AKAP5: variants seen among roughly 807,000 people sequenced by gnomAD.
AKAP5 encodes the protein A-kinase anchoring protein 5, also known as A-kinase anchor protein 5.
AKAP5 carries 5 observed loss-of-function variants against 13.8 expected under a neutral mutation model. The observed-to-expected ratio is 0.36, with a 90% CI of 0.19 to 0.76. The LOEUF is 0.76. Among genes scored for constraint, AKAP5 ranks in the 30% least tolerant of loss-of-function variants. AKAP5 has a pLI of 0.51. For missense variants in AKAP5, 406 were observed against 484.4 expected (o/e 0.84, Z 1.52); for synonymous variants, 148 against 167.2 (o/e 0.89, Z 0.89).
At chr14:64,466,802 T>C (rs996460537) in intron 1 of AKAP5, among the ~76,000 whole-genome samples, 3 of 152,254 alleles carry the variant, frequency 2.0e-5, no homozygotes, top group Non-Finnish European at 4.4e-5. Context: ...TTGCTTATTT[T>C]AGGGCATCCA....
Position 64,470,752 on chromosome 14 carries a change from G to A in AKAP5, c.*1074G>A, listed in dbSNP as rs2078661990. 1 of 166,848 alleles carries A rather than the reference G, an allele frequency of 6.0e-6. No individual in the cohort carries two copies. The highest frequency in any genetic ancestry group is 2.1e-4 in the South Asian group (1 of 4,824). The allele number at this position is 166,848 out of a possible 1,614,324, so 10.3% of individuals were successfully genotyped here. A position where few individuals can be genotyped will look rare whatever the true frequency, so the allele number is the denominator to read the frequency against. ...TCCATTTCTGCATGGATTTATCTGT[G>A]AAAAGTTAAAAAATGAAACAGCAAA... On this transcript the variant is annotated 3_prime_UTR_variant, in exon 2 of 2. Coordinates refer to ENST00000394718, the MANE Select transcript of AKAP5 (RefSeq NM_004857.3).
chr14:64,471,548 CAAT>C lies in AKAP5; in HGVS notation c.*1871_*1873del, dbSNP rs1281339439. 3 of 167,086 alleles carry C rather than the reference CAAT, an allele frequency of 1.8e-5. No homozygotes were observed. Among genetic ancestry groups the C allele is most frequent in the African/African-American group, 7.2e-5 (3 of 41,444 alleles). The allele number at this position is 167,086 out of a possible 1,614,324, so 10.4% of individuals were successfully genotyped here. ...TTGAAAGGGAAGCATCTGATCTCATCAATGATTGCCATATTTTTTGAAAAAGTA... is the reference window on the plus strand; with the variant it reads ...TTGAAAGGGAAGCATCTGATCTCATCGATTGCCATATTTTTTGAAAAAGTA... On this transcript the variant is annotated 3_prime_UTR_variant, in exon 2 of 2. Coordinates refer to ENST00000394718, the MANE Select transcript of AKAP5 (RefSeq NM_004857.3).
In AKAP5 at chr14:64,473,616, T is replaced by C. The variant is rs921152503; in HGVS notation, c.*3938T>C. On this transcript the variant is annotated 3_prime_UTR_variant, in exon 2 of 2. Transcript: ENST00000394718. ...TTATTTTTTATAGTTAAGAATGTTT[T>C]TCGAGGTTTACAACAGAATTTAAAA... is the stretch of plus-strand genomic sequence containing the variant. The C allele has an allele frequency of 6.0e-6, 1 of 167,130 alleles. No homozygotes were observed. Among genetic ancestry groups the C allele is most frequent in the Non-Finnish European group, 1.5e-5 (1 of 68,134 alleles). 10.4% of individuals were successfully genotyped at this position (167,130 alleles called of 1,614,324 possible).
In AKAP5 at chr14:64,471,139, T is replaced by C. The variant is rs1396114254; in HGVS notation, c.*1461T>C. ...TGAATATTGAAAGTTAACTTTTTCA[T>C]CACTATTTTCTTTTCTTTTTTTTTT... On this transcript the variant is annotated 3_prime_UTR_variant, in exon 2 of 2. Coordinates refer to ENST00000394718, the MANE Select transcript of AKAP5 (RefSeq NM_004857.3). 1 of 166,062 alleles carries C rather than the reference T, an allele frequency of 6.0e-6. No individual in the cohort carries two copies. The highest frequency in any genetic ancestry group is 1.5e-5 in the Non-Finnish European group (1 of 67,994). The allele number at this position is 166,062 out of a possible 1,614,324, so 10.3% of individuals were successfully genotyped here.
intron 1 of AKAP5, among the ~76,000 whole-genome samples, chr14:64,466,168 T>C (rs2078610997): frequency 6.6e-6 from 1 of 152,138 alleles, no homozygotes; most frequent in Non-Finnish European, 1.5e-5. Flanking sequence ...AGACTTGCAA[T>C]TCCATCAGGA....
At position 64,469,605 on chromosome 14, in the gene AKAP5, T is replaced by C. The variant is rs1175445688; in HGVS notation, c.1211T>C (p.Ile404Thr). 1.2e-6 allele frequency: 2 copies of C among 1,612,568 alleles called. No homozygotes were observed. The highest frequency in any genetic ancestry group is 1.1e-5 in the South Asian group (1 of 90,458). Residue 404 changes from isoleucine to threonine, a missense_variant, in exon 2 of 2, where the codon ATT becomes ACT. By Grantham distance (89) the Ile-to-Thr change is moderately conservative. Coordinates refer to ENST00000394718, the MANE Select transcript of AKAP5 (RefSeq NM_004857.3). ...GCCTCTTCTCTAGTCAAGAATGCTA[T>C]TCAGTTGTCAATAGAACAGCTGGTT... ...ETASSLVKNAIQLSIEQLVNE... is the reference protein window; with the variant it reads ...ETASSLVKNATQLSIEQLVNE...
chr14:64,467,026 G>A (rs1284555367), intron 1 of AKAP5: 2 of 152,166 alleles, frequency 1.3e-5, no homozygotes, highest in African/African-American at 4.8e-5. Flanking sequence ...GTTTTCAAAT[G>A]ACAAGAACTC....
rs1408748399 is a variant in AKAP5, at chr14:64,470,116, A to G, written c.*438A>G. 3 of 168,292 alleles carry G rather than the reference A, an allele frequency of 1.8e-5. No homozygotes were observed. The highest frequency in any genetic ancestry group is 6.5e-5 in the Admixed American group (1 of 15,346). 10.4% of individuals were successfully genotyped at this position (168,292 alleles called of 1,614,324 possible). The stretch of plus-strand genomic sequence containing the variant: ...AAAACTTATTTTTTACAGTGCACAT[A>G]TATGTTTAAAATGGTGAATAAGGTG... On this transcript the variant is annotated 3_prime_UTR_variant, in exon 2 of 2. Coordinates refer to ENST00000394718, the MANE Select transcript of AKAP5 (RefSeq NM_004857.3).
chr14:64,469,034 C>G lies in AKAP5; in HGVS notation c.640C>G (p.Leu214Val). 1 of 1,614,158 alleles carries G rather than the reference C, an allele frequency of 6.2e-7. No homozygotes were observed. Among genetic ancestry groups the G allele is most frequent in the Middle Eastern group, 1.6e-4 (1 of 6,062 alleles). The change falls in exon 2 of 2, where the codon CTT becomes GTT. Residue 214 changes from leucine (L) to valine (V), a missense_variant. Physicochemically the swap from Leu to Val is conservative, Grantham distance 32. Transcript: ENST00000394718. Reference sequence around the variant, plus strand: ...TGGAGAGAAAGTGATTTCAGTAGAACTTGGATTAGATAATGGGCATTCTGC... The same window carrying G: ...TGGAGAGAAAGTGATTTCAGTAGAAGTTGGATTAGATAATGGGCATTCTGC... Reference protein sequence around the residue: ...TSGEKVISVELGLDNGHSAIQ... With the variant: ...TSGEKVISVEVGLDNGHSAIQ...
chr14:64,466,193 C>CT (rs757435364), intron 1 of AKAP5, among the ~76,000 whole-genome samples: 41 of 152,292 alleles, frequency 2.7e-4, no homozygotes, highest in Non-Finnish European at 5.4e-4. Context: ...AGCACAGGGA[C>CT]TTTAAGATTT....
At chr14:64,467,329 A>AC (rs1263087278) in intron 1 of AKAP5, 2 of 152,244 alleles carry the variant, frequency 1.3e-5, no homozygotes, top group African/African-American at 2.4e-5. Flanking sequence ...AGATGTATGT[A>AC]AAAGTGCATG....
rs2078689633 is a variant in AKAP5 at position 64,472,914 on chromosome 14, A to G, written c.*3236A>G. 6.0e-6 allele frequency: 1 copy of G among 167,050 alleles called. No individual in the cohort carries two copies. The highest frequency in any genetic ancestry group is 2.4e-5 in the African/African-American group (1 of 41,454). The allele number at this position is 167,050 out of a possible 1,614,324, so 10.3% of individuals were successfully genotyped here. ...TAGGAACACCACATGAATTTTCTTT[A>G]CATTTGCTGTGGTATAAATTCTGCT... is the stretch of plus-strand genomic sequence containing the variant. On this transcript the variant is annotated 3_prime_UTR_variant, in exon 2 of 2. Transcript: ENST00000394718.
chr14:64,468,937 T>C lies in AKAP5; in HGVS notation c.543T>C (p.Asp181=). 1 of 1,614,098 alleles carries C rather than the reference T, an allele frequency of 6.2e-7. No individual in the cohort carries two copies. Among genetic ancestry groups the C allele is most frequent in the Middle Eastern group, 1.6e-4 (1 of 6,062 alleles). ...CAACAAAGGCTAAGTCAACCCAGGA[T>C]CTAAGTGAAGGCATCTCACGGAAAG... ...DQATKAKSTQ[D]LSEGISRKDG... The change falls in exon 2 of 2, where the codon GAT becomes GAC. Residue 181 remains aspartate (D), a synonymous_variant. Transcript: ENST00000394718.
intron 1 of AKAP5, chr14:64,467,164 A>G (rs1441189934): frequency 6.6e-6 from 1 of 152,234 alleles, no homozygotes; most frequent in East Asian, 1.9e-4. Flanking sequence ...TTTTCTGACG[A>G]AACTCTTAAA....
chr14:64,469,725 T>C lies in AKAP5; in HGVS notation c.*47T>C. ...AGAAAAAACAAGCTTAATGAAGAAT[T>C]CTTTTATACATTTGTGGCATTTCTT... On this transcript the variant is annotated 3_prime_UTR_variant, in exon 2 of 2. Coordinates refer to ENST00000394718, the MANE Select transcript of AKAP5 (RefSeq NM_004857.3). The C allele has an allele frequency of 2.5e-6, 3 of 1,183,268 alleles. No individual in the cohort carries two copies. Among genetic ancestry groups the C allele is most frequent in the Non-Finnish European group, 3.6e-6 (3 of 840,838 alleles). 73.3% of individuals were successfully genotyped at this position (1,183,268 alleles called of 1,614,324 possible). A position where few individuals can be genotyped will look rare whatever the true frequency, so the allele number is the denominator to read the frequency against.
At position 64,473,845 on chromosome 14, in the gene AKAP5, T is replaced by C. The variant is rs1176800430; in HGVS notation, c.*4167T>C. On this transcript the variant is annotated 3_prime_UTR_variant, in exon 2 of 2. Transcript: ENST00000394718. ...CAAATTCCTATGATGTTTTATTGGG[T>C]AACATGAACTCTCTTATACATAATT... 6.0e-6 allele frequency: 1 copy of C among 166,922 alleles called. No individual in the cohort carries two copies. The highest frequency in any genetic ancestry group is 1.5e-5 in the Non-Finnish European group (1 of 68,112). 10.3% of individuals were successfully genotyped at this position (166,922 alleles called of 1,614,324 possible). A position where few individuals can be genotyped will look rare whatever the true frequency, so the allele number is the denominator to read the frequency against.
In AKAP5 at chr14:64,472,353, C is replaced by T. The variant is rs1244106227; in HGVS notation, c.*2675C>T. 6.0e-6 allele frequency: 1 copy of T among 166,774 alleles called. No homozygotes were observed. The highest frequency in any genetic ancestry group is 1.9e-4 in the East Asian group (1 of 5,200). 10.3% of individuals were successfully genotyped at this position (166,774 alleles called of 1,614,324 possible). A position where few individuals can be genotyped will look rare whatever the true frequency, so the allele number is the denominator to read the frequency against. On this transcript the variant is annotated 3_prime_UTR_variant, in exon 2 of 2. Coordinates refer to ENST00000394718, the MANE Select transcript of AKAP5 (RefSeq NM_004857.3). ...TGTAAATGTTTAGTAATCTCATGAACAAGCAAAAAGTATAGTACTTAGCAG... is the reference window on the plus strand; with the variant it reads ...TGTAAATGTTTAGTAATCTCATGAATAAGCAAAAAGTATAGTACTTAGCAG...
At chr14:64,466,002 T>C (rs1038285696) in intron 1 of AKAP5, among the ~76,000 whole-genome samples, 1 of 152,210 alleles carries the variant, frequency 6.6e-6, no homozygotes, top group Non-Finnish European at 1.5e-5. Context: ...TCCTGCGCTC[T>C]GTCTCCTGCC....
chr14:64,465,715 G>A (rs2078606007), intron 1 of AKAP5, 102 bp downstream of exon 1: 1 of 152,214 alleles, frequency 6.6e-6, no homozygotes, highest in Non-Finnish European at 1.5e-5. Flanking sequence ...TGGATACGGG[G>A]TATCCGAGCC....
Sources: allele counts gnomAD v4.1 joint callset (sites outside exome capture counted in the v4.1 genomes callset), GRCh38; gene constraint gnomAD v4.1.1; transcripts MANE v1.5; gene names NCBI Gene and HGNC (gene_info 2026-07-23, HGNC 2026-07-21).